PRDM10: variants seen among roughly 807,000 people sequenced by gnomAD.
PRDM10 encodes the protein PR domain zinc finger protein 10.
Under a neutral mutation model 133.1 loss-of-function variants are expected in PRDM10, and 65 were observed. The observed-to-expected ratio is 0.49, with a 90% CI of 0.40 to 0.60. The LOEUF is 0.60. PRDM10 is among the 20% of genes least tolerant of loss of function. The pLI, the probability that PRDM10 is intolerant of heterozygous loss-of-function variation, is 0.00. For missense variants in PRDM10, 1,137 were observed against 1,507.1 expected (o/e 0.75, Z 4.07); for synonymous variants, 582 against 580.4 (o/e 1.00, Z -0.04).
At position 129,925,099 on chromosome 11, in the gene PRDM10, C is replaced by A; in HGVS notation, c.1661G>T (p.Cys554Phe). 1 of 1,614,202 alleles carries A rather than the reference C, an allele frequency of 6.2e-7. No homozygotes were observed. Among genetic ancestry groups the A allele is most frequent in the South Asian group, 1.1e-5 (1 of 91,084 alleles). The stretch of plus-strand genomic sequence containing the variant: ...GTTACAGAGATCACAGGTCAGTGGG[C>A]AGTTCCCCTCCCGCCCATGGAAGCG... ...HLRFHGREGNCPLTCDLCNKG... is the reference protein window; with the variant it reads ...HLRFHGREGNFPLTCDLCNKG... The change falls in exon 12 of 21, where the codon TGC (cysteine) becomes TTC (phenylalanine). Residue 554 changes from cysteine to phenylalanine, a missense_variant. By Grantham distance (205) the Cys-to-Phe change is radical. Around this residue, in one of 6 missense-constraint regions of PRDM10, gnomAD observed 635 missense variants for 835.2 expected, o/e 0.76. Transcript: ENST00000360871.
chr11:129,916,474 C>T (rs1170504477), intron 15 of PRDM10, among the ~76,000 whole-genome samples: 3 of 152,134 alleles, frequency 2.0e-5, no homozygotes, highest in Non-Finnish European at 4.4e-5. Context: ...CCTGTCTCTA[C>T]TAAAAATACA....
chr11:129,949,922 G>A (rs537711711), intron 4 of PRDM10, among the ~76,000 whole-genome samples: 18 of 145,964 alleles, frequency 1.2e-4, no homozygotes, highest in South Asian at 4.4e-4. Context: ...TGACAAGAGC[G>A]AAACTCCACC....
At chr11:129,914,491 A>G (rs1950289583) in intron 17 of PRDM10, 2 of 693,518 alleles carry the variant, frequency 2.9e-6, no homozygotes, top group South Asian at 3.2e-5. Flanking sequence ...GCTGGAACCT[A>G]AAATTTCCTG....
chr11:129,932,191 C>A lies in PRDM10; in HGVS notation c.1198G>T (p.Gly400Cys), dbSNP rs202160396. ...GGACGCCCCGGCCGTCGACCTGGAC[C>A]GAATCGCCTCTTGCCTCGTCCCCTT... The part of the protein sequence containing the change: ...RGRGRGKRRF[G>C]PGRRPGRPPK... The change falls in exon 10 of 21, where the codon GGT becomes TGT. Residue 400 changes from glycine (G) to cysteine (C), a missense_variant. This residue lies in a region of PRDM10 where 635 missense variants were observed against 835.2 expected (regional missense o/e 0.76). Coordinates refer to ENST00000360871, the MANE Select transcript of PRDM10 (RefSeq NM_199437.2). The A allele has an allele frequency of 5.0e-6, 8 of 1,613,974 alleles. No individual in the cohort carries two copies. The South Asian group carries it at 6.6e-5, about 13-fold the overall frequency.
rs573384841 is a variant in PRDM10, at chr11:129,959,054, G to C, written c.70-1144C>G. The stretch of plus-strand genomic sequence containing the variant: ...ATGTATGTGTTGCTATCGAAGTCAC[G>C]CACTCTTAGGGTGGAATCCTTGCTC... On this transcript the variant is annotated intron_variant, in intron 2 of 20. Transcript: ENST00000360871. 5.3e-5 allele frequency among the ~76,000 whole-genome samples: 8 copies of C among 152,300 alleles called. No individual in the cohort carries two copies. The South Asian group carries it at 1.7e-3, about 32-fold the overall frequency.
intron 1 of PRDM10, among the ~76,000 whole-genome samples, chr11:129,990,411 A>G (rs1938665401): frequency 1.3e-5 from 2 of 150,460 alleles, no homozygotes; most frequent in Non-Finnish European, 3.0e-5. Context: ...AATCCCAGCT[A>G]TTCAGGAGGG....
chr11:129,957,128 C>A (rs1951710202), intron 3 of PRDM10, among the ~76,000 whole-genome samples: 1 of 152,144 alleles, frequency 6.6e-6, no homozygotes, highest in African/African-American at 2.4e-5. Context: ...ACATATTTAG[C>A]TGAAATAATC....
At chr11:129,950,874 G>A (rs1428593962) in intron 4 of PRDM10, among the ~76,000 whole-genome samples, 3 of 152,182 alleles carry the variant, frequency 2.0e-5, no homozygotes, top group South Asian at 2.1e-4. Flanking sequence ...GTTTGGCAAC[G>A]TGACTGGCTT....
rs1951783929 is a variant in PRDM10, at chr11:129,960,916, G to C, written c.49C>G (p.His17Asp). The change falls in exon 2 of 21, where the codon CAT (histidine) becomes GAT (aspartate). Residue 17 changes from histidine to aspartate, a missense_variant. By Grantham distance (81) the His-to-Asp change is moderately conservative. This residue lies in a region of PRDM10 where 635 missense variants were observed against 835.2 expected (regional missense o/e 0.76). Coordinates refer to ENST00000360871, the MANE Select transcript of PRDM10 (RefSeq NM_199437.2). ...SSHVWPTSAE[H>D]EQNAAQVHFV... ...TTCACCTGTGCGGCATTCTGTTCAT[G>C]CTCTGCAGATGTCGGCCACACATGC... 6.2e-7 allele frequency: 1 copy of C among 1,613,978 alleles called. No individual in the cohort carries two copies. The highest frequency in any genetic ancestry group is 1.3e-5 in the African/African-American group (1 of 74,884).
chr11:129,947,160 C>G lies in PRDM10; in HGVS notation c.505G>C (p.Asp169His), dbSNP rs372199751. Residue 169 changes from aspartate (D) to histidine (H), a missense_variant, in exon 5 of 21, where the codon GAC (aspartate) becomes CAC (histidine). Physicochemically the swap from Asp to His is moderately conservative, Grantham distance 81. Transcript: ENST00000360871. This position sits in a 1 kb window ranked among gnomAD's most constrained non-coding sequence, Gnocchi z 4.6. ...DWEPDPPRPFDPHDLWCEECN... is the reference protein window; with the variant it reads ...DWEPDPPRPFHPHDLWCEECN... ...CCACACTTACACAAGTCGTGTGGGTCGAAGGGCCGGGGCGGGTCTGGCTCC... is the reference window on the plus strand; with the variant it reads ...CCACACTTACACAAGTCGTGTGGGTGGAAGGGCCGGGGCGGGTCTGGCTCC... The G allele has an allele frequency of 1.9e-6, 3 of 1,613,934 alleles. No individual in the cohort carries two copies. The highest frequency in any genetic ancestry group is 2.5e-6 in the Non-Finnish European group (3 of 1,180,008).
rs1031834251 is a variant in PRDM10, at chr11:129,970,031, T to C, written c.-118-8949A>G. ...TAATAGGAAATCAAATTCTATGGCA[T>C]AGAATAACGGAACTAATTTCAGAAT... is the stretch of plus-strand genomic sequence containing the variant. On this transcript the variant is annotated intron_variant, in intron 1 of 20. Transcript: ENST00000360871. 3.3e-5 allele frequency among the ~76,000 whole-genome samples: 5 copies of C among 152,194 alleles called. No homozygotes were observed. In the East Asian group the frequency reaches 5.8e-4, roughly 18 times the overall value.
intron 1 of PRDM10, among the ~76,000 whole-genome samples, chr11:129,981,717 G>A (rs1356670721): frequency 2.0e-5 from 3 of 151,788 alleles, no homozygotes; most frequent in Admixed American, 6.6e-5. Context: ...TCAACATGGC[G>A]AAACCCCGTC....
At chr11:129,948,094 C>A (rs1457069794) in intron 4 of PRDM10, 2 of 456,568 alleles carry the variant, frequency 4.4e-6, no homozygotes, top group Admixed American at 4.7e-5. Flanking sequence ...TTTCATCATG[C>A]TGAAGTCAGT....
Position 129,923,693 on chromosome 11 carries a change from A to AGAGAGAGAGAGAGAGAGAGAGAGAGC in PRDM10, c.1879-291_1879-290insGCTCTCTCTCTCTCTCTCTCTCTCTC, listed in dbSNP as rs1491447398. ...GAGAGAGAGAGAGAGAGAGAGAGAG[A>AGAGAGAGAGAGAGAGAGAGAGAGAGC]GTGCTTGCTTGGTCAAAGCCCTGAT... On this transcript the variant is annotated intron_variant, in intron 12 of 20. Coordinates refer to ENST00000360871, the MANE Select transcript of PRDM10 (RefSeq NM_199437.2). The surrounding 1 kb of genome is among the most constrained non-coding windows in gnomAD (Gnocchi z 4.4). 1.5e-5 allele frequency among the ~76,000 whole-genome samples: 2 copies of AGAGAGAGAGAGAGAGAGAGAGAGAGC among 135,676 alleles called. No homozygotes were observed. Among genetic ancestry groups the AGAGAGAGAGAGAGAGAGAGAGAGAGC allele is most frequent in the South Asian group, 2.3e-4 (1 of 4,326 alleles). 89.0% of individuals were successfully genotyped at this position (135,676 alleles called of 152,430 possible).
intron 1 of PRDM10, among the ~76,000 whole-genome samples, chr11:129,979,189 T>G (rs55793088): frequency 6.6e-6 from 1 of 152,020 alleles, no homozygotes; most frequent in Admixed American, 6.5e-5. Context: ...CTCTGTTCTA[T>G]CCTCACAAGA....
intron 4 of PRDM10, among the ~76,000 whole-genome samples, chr11:129,949,409 C>T (rs1951520015): frequency 6.6e-6 from 1 of 152,168 alleles, no homozygotes; most frequent in Non-Finnish European, 1.5e-5. Context: ...CATTATTATC[C>T]TAAGTTCTTT....
At chr11:129,949,210 G>C (rs982680104) in intron 4 of PRDM10, among the ~76,000 whole-genome samples, 1 of 152,128 alleles carries the variant, frequency 6.6e-6, no homozygotes, top group Non-Finnish European at 1.5e-5. Flanking sequence ...ATGGGCTTTG[G>C]AGTCAGGCAT....
chr11:129,976,712 C>T (rs1937779456), intron 1 of PRDM10, among the ~76,000 whole-genome samples: 1 of 152,060 alleles, frequency 6.6e-6, no homozygotes, highest in Admixed American at 6.6e-5. Context: ...GAGAGAGTTT[C>T]CATTTAACTG....
intron 1 of PRDM10, among the ~76,000 whole-genome samples, chr11:129,969,118 A>T (rs762416114): frequency 3.3e-5 from 5 of 152,340 alleles, no homozygotes; most frequent in Admixed American, 1.3e-4. Context: ...GGCTTAGCTG[A>T]CCCAGAGACT....
Sources: allele counts gnomAD v4.1 joint callset (sites outside exome capture counted in the v4.1 genomes callset), GRCh38; gene constraint gnomAD v4.1.1; regional missense constraint gnomAD v4.1.1; non-coding constraint Gnocchi (gnomAD v3.1); transcripts MANE v1.5; gene names NCBI Gene and HGNC (gene_info 2026-07-23, HGNC 2026-07-21).